Variants in PDE8A observed in about 807,000 individuals in gnomAD.
The protein encoded by PDE8A is high affinity cAMP-specific and IBMX-insensitive 3',5'-cyclic phosphodiesterase 8A.
In PDE8A, 59 loss-of-function variants were observed where a neutral mutation model predicts 105.0. That is an observed-to-expected ratio of 0.56 (90% CI 0.46 to 0.70). The LOEUF (loss-of-function observed/expected upper bound fraction) is 0.70, where lower values mean the gene tolerates loss of function less well. Among genes scored for constraint, PDE8A ranks in the 30% least tolerant of loss-of-function variants. The probability of loss-of-function intolerance (pLI) is 0.00; values close to 1 mark genes in which losing one functional copy is unlikely to be tolerated. For synonymous variants in PDE8A, 355 were observed against 371.9 expected, an observed-to-expected ratio of 0.95 and a Z score of 0.52; for missense variants, 1,014 against 1,045.9, an observed-to-expected ratio of 0.97 and a Z score of 0.42.
At chr15:84,981,453 G>C (rs537582452), upstream of PDE8A, among the ~76,000 whole-genome samples, 4 of 152,242 alleles carry the variant, frequency 2.6e-5, no homozygotes, top group East Asian at 1.9e-4. Context: ...GCTTCTCGAC[G>C]GTGCGGCCCC....
intron 1 of PDE8A, among the ~76,000 whole-genome samples, chr15:85,059,746 T>C (rs113496560): frequency 6.6e-6 from 1 of 152,230 alleles, no homozygotes; most frequent in Non-Finnish European, 1.5e-5. Context: ...TATAGATGGG[T>C]TCATTCTGCC....
rs375281668 is a variant in PDE8A, at chr15:85,071,589, C to T, written c.435-4273C>T. ...ATCAGAGAGAACAGGCCAGGAGCCC[C>T]GCTCTGCAGCAGACCTGTGCATGCC... On this transcript the variant is annotated intron_variant, in intron 3 of 21. Coordinates refer to ENST00000394553, the MANE Select transcript of PDE8A (RefSeq NM_002605.3). Among the ~76,000 whole-genome samples, 11 of 152,322 alleles carry T rather than the reference C, an allele frequency of 7.2e-5. No homozygotes were observed. In the East Asian group the frequency reaches 9.6e-4, roughly 13 times the overall value.
chr15:85,066,198 C>A (rs555225246), intron 2 of PDE8A, among the ~76,000 whole-genome samples: 18 of 152,238 alleles, frequency 1.2e-4, no homozygotes, highest in African/African-American at 4.1e-4. Context: ...TGTTTTAATT[C>A]TTTTAGTTTC....
At chr15:85,085,072 TTGTGTTCCTGTTCTA>T (rs1420392149) in intron 6 of PDE8A, among the ~76,000 whole-genome samples, 2 of 152,266 alleles carry the variant, frequency 1.3e-5, no homozygotes, top group African/African-American at 4.8e-5. Context: ...ACAATTCCAT[TTGTGTTCCTGTTCTA>T]TGACACCCCA....
At chr15:85,125,976 A>G (rs1321965743) in intron 19 of PDE8A, among the ~76,000 whole-genome samples, 8 of 152,190 alleles carry the variant, frequency 5.3e-5, no homozygotes, top group Admixed American at 5.2e-4. Context: ...ACCAACCCCT[A>G]GTGCTACCCT....
intron 1 of PDE8A, among the ~76,000 whole-genome samples, chr15:85,052,592 C>T (rs1251477555): frequency 6.6e-6 from 1 of 152,174 alleles, no homozygotes; most frequent in Non-Finnish European, 1.5e-5. Flanking sequence ...AGCATTTTTT[C>T]ATGTGTCTGT....
At chr15:85,056,849 C>T (rs1373014239) in intron 1 of PDE8A, among the ~76,000 whole-genome samples, 3 of 152,184 alleles carry the variant, frequency 2.0e-5, no homozygotes, top group African/African-American at 4.8e-5. Flanking sequence ...AGCTTTGTTC[C>T]ATTGCTGGCG....
At chr15:85,033,853 A>C (rs930257917) in intron 1 of PDE8A, among the ~76,000 whole-genome samples, 3 of 152,214 alleles carry the variant, frequency 2.0e-5, no homozygotes, top group African/African-American at 7.2e-5. Flanking sequence ...CGATAGAGCA[A>C]GACGTGGTCT....
intron 20 of PDE8A, among the ~76,000 whole-genome samples, chr15:85,136,242 AC>A (rs1455572970): frequency 2.6e-5 from 4 of 152,352 alleles, no homozygotes; most frequent in African/African-American, 9.6e-5. Context: ...GTGGCTGACT[AC>A]ACATAATGTT....
intron 1 of PDE8A, among the ~76,000 whole-genome samples, chr15:85,043,502 C>G (rs77628864): frequency 0.012 from 1,850 of 152,236 alleles, 26 homozygotes; most frequent in Middle Eastern, 0.034. Flanking sequence ...GTTATCTCTC[C>G]TATAGTTGAC....
At chr15:85,004,642 A>T (rs1301985436) in intron 1 of PDE8A, among the ~76,000 whole-genome samples, 1 of 152,198 alleles carries the variant, frequency 6.6e-6, no homozygotes, top group African/African-American at 2.4e-5. Context: ...ATCCTGGCTG[A>T]TACAACCAAT....
intron 1 of PDE8A, among the ~76,000 whole-genome samples, chr15:85,014,637 G>A (rs2080294082): frequency 6.6e-6 from 1 of 152,008 alleles, no homozygotes; most frequent in Non-Finnish European, 1.5e-5. Flanking sequence ...CTATATTGAT[G>A]TTCATATATT....
intron 1 of PDE8A, among the ~76,000 whole-genome samples, chr15:85,060,413 A>T (rs1483550254): frequency 6.6e-6 from 1 of 152,234 alleles, no homozygotes; most frequent in East Asian, 1.9e-4. Flanking sequence ...GATTCAGCCA[A>T]CTGAAGATTG....
chr15:85,126,173 A>G (rs751269099), intron 19 of PDE8A, 34 bp from the exon 20 acceptor site: 1 of 1,559,182 alleles, frequency 6.4e-7, no homozygotes, highest in East Asian at 2.3e-5. Context: ...CAAGGGATCC[A>G]TTTTGATTGC....
At chr15:85,056,229 G>A (rs1349964413) in intron 1 of PDE8A, among the ~76,000 whole-genome samples, 1 of 152,062 alleles carries the variant, frequency 6.6e-6, no homozygotes, top group East Asian at 1.9e-4. Context: ...TTTCTCTCTG[G>A]CTGCCCTTAA....
chr15:85,087,420 G>C (rs2081572603), intron 6 of PDE8A, among the ~76,000 whole-genome samples: 1 of 152,140 alleles, frequency 6.6e-6, no homozygotes, highest in Non-Finnish European at 1.5e-5. Context: ...AGCTGGTCTT[G>C]AACACCTGGA....
At chr15:85,094,035 G>T (rs2081697500) in intron 8 of PDE8A, among the ~76,000 whole-genome samples, 1 of 151,968 alleles carries the variant, frequency 6.6e-6, no homozygotes, top group Admixed American at 6.6e-5. Context: ...AATTTTTTAA[G>T]CATATTTTTT....
At chr15:85,003,108 A>C (rs1470314022) in intron 1 of PDE8A, among the ~76,000 whole-genome samples, 1 of 152,112 alleles carries the variant, frequency 6.6e-6, no homozygotes, top group East Asian at 1.9e-4. Flanking sequence ...ATGCATTCTA[A>C]ACTAGCTGAA....
In PDE8A at chr15:85,136,520, T is replaced by A. The variant is rs765633637; in HGVS notation, c.2254-14T>A. ...AGATGTTGGGGTCTCCTGATCACAT[T>A]TTCTGCTTTACAGACTGATGAAGAG... On this transcript the variant is annotated splice_polypyrimidine_tract_variant and intron_variant, in intron 20 of 21. Coordinates refer to ENST00000394553, the MANE Select transcript of PDE8A (RefSeq NM_002605.3). The A allele has an allele frequency of 6.8e-6, 11 of 1,609,694 alleles. No homozygotes were observed. Among genetic ancestry groups the A allele is most frequent in the Non-Finnish European group, 9.3e-6 (11 of 1,177,844 alleles).
Sources: gnomAD v4.1 joint callset for allele counts (sites outside exome capture counted in the v4.1 genomes callset) on GRCh38, gnomAD v4.1.1 for gene constraint, MANE v1.5 for transcripts, NCBI Gene and HGNC (gene_info 2026-07-23, HGNC 2026-07-21) for gene names.